Variants in LMBRD1 observed in about 807,000 individuals in gnomAD.
The protein encoded by LMBRD1 is LMBR1 domain containing 1.
LMBRD1 carries 64 observed loss-of-function variants against 74.8 expected under a neutral mutation model. The observed-to-expected ratio is 0.86, with a 90% confidence interval of 0.70 to 1.05. The LOEUF (loss-of-function observed/expected upper bound fraction) is 1.05, where lower values mean the gene tolerates loss of function less well. Among genes scored for constraint, LMBRD1 ranks in the 50% least tolerant of loss-of-function variants. The pLI, the probability that LMBRD1 is intolerant of heterozygous loss-of-function variation, is 0.00. For synonymous variants in LMBRD1, 204 were observed against 216.3 expected (o/e 0.94, Z 0.50); for missense variants, 652 against 645.9 (o/e 1.01, Z -0.10).
intron 13 of LMBRD1, among the ~76,000 whole-genome samples, chr6:69,697,893 A>AT (rs1219694938): frequency 6.6e-6 from 1 of 152,076 alleles, no homozygotes; most frequent in African/African-American, 2.4e-5. Flanking sequence ...AACAAATTCC[A>AT]TTTTTAATAC....
intron 14 of LMBRD1, among the ~76,000 whole-genome samples, chr6:69,684,007 T>C (rs1765714360): frequency 6.6e-6 from 1 of 151,960 alleles, no homozygotes; most frequent in Non-Finnish European, 1.5e-5. Flanking sequence ...TTGGCATAAA[T>C]GTGAATGGAT....
At chr6:69,762,830 G>A (rs941673392) in intron 3 of LMBRD1, among the ~76,000 whole-genome samples, 2 of 152,116 alleles carry the variant, frequency 1.3e-5, no homozygotes, top group Non-Finnish European at 2.9e-5. Flanking sequence ...CTACAAGCAA[G>A]GAAAAGGGTC....
At chr6:69,792,612 T>A (rs1335117083) in intron 1 of LMBRD1, among the ~76,000 whole-genome samples, 1 of 152,196 alleles carries the variant, frequency 6.6e-6, no homozygotes, top group Non-Finnish European at 1.5e-5. Flanking sequence ...TTTTGGGAAA[T>A]TTATTTTTCA....
At chr6:69,783,749 T>G (rs533630573) in intron 2 of LMBRD1, among the ~76,000 whole-genome samples, 2 of 152,248 alleles carry the variant, frequency 1.3e-5, no homozygotes, top group East Asian at 3.9e-4. Flanking sequence ...TTTTACTTCT[T>G]ATATGTTATA....
At position 69,718,976 on chromosome 6, in the gene LMBRD1, T is replaced by A. The variant is rs1189575538; in HGVS notation, c.742A>T (p.Ile248Phe). The A allele has an allele frequency of 6.2e-7, 1 of 1,613,412 alleles. No individual in the cohort carries two copies. The highest frequency in any genetic ancestry group is 8.5e-7 in the Non-Finnish European group (1 of 1,179,654). Reference protein sequence around the residue: ...TEDIEEVEQHIQTIKSKSKDG... With the variant: ...TEDIEEVEQHFQTIKSKSKDG... Reference sequence around the variant, plus strand: ...CTCACTTTTGATTTAATCGTTTGAATGTGTTGTTCTACTTCTTCAATGTCT... The same window carrying A: ...CTCACTTTTGATTTAATCGTTTGAAAGTGTTGTTCTACTTCTTCAATGTCT... The change falls in exon 8 of 16, where the codon ATT becomes TTT. Residue 248 changes from isoleucine to phenylalanine, a missense_variant. By Grantham distance (21) the Ile-to-Phe change is conservative (BLOSUM62 0). Around this residue, in one of 3 missense-constraint regions of LMBRD1, gnomAD observed 598 missense variants for 581.8 expected, o/e 1.03. Coordinates refer to ENST00000649934, the MANE Select transcript of LMBRD1 (RefSeq NM_018368.4).
intron 9 of LMBRD1, among the ~76,000 whole-genome samples, chr6:69,711,965 T>C (rs1206797546): frequency 6.6e-6 from 1 of 152,148 alleles, no homozygotes; most frequent in Non-Finnish European, 1.5e-5. Context: ...TTAGTTATTC[T>C]ACCCGATCCT....
intron 6 of LMBRD1, among the ~76,000 whole-genome samples, chr6:69,738,795 C>G (rs891676949): frequency 1.3e-5 from 2 of 151,928 alleles, no homozygotes; most frequent in African/African-American, 4.8e-5. Context: ...TAATACAGGT[C>G]CTATTAGGCC....
intron 3 of LMBRD1, among the ~76,000 whole-genome samples, chr6:69,766,015 T>C (rs1765467674): frequency 6.6e-6 from 1 of 151,960 alleles, no homozygotes; most frequent in Admixed American, 6.6e-5. Context: ...ATTTTCTACC[T>C]ATAGAATCTT....
At chr6:69,738,988 C>T (rs912615537) in intron 6 of LMBRD1, among the ~76,000 whole-genome samples, 6 of 152,066 alleles carry the variant, frequency 3.9e-5, no homozygotes, top group Non-Finnish European at 5.9e-5. Context: ...TTCACAATCA[C>T]GCAAGGCAAA....
chr6:69,777,357 G>C (rs905832323), intron 3 of LMBRD1, among the ~76,000 whole-genome samples: 1 of 150,844 alleles, frequency 6.6e-6, no homozygotes, highest in Non-Finnish European at 1.5e-5. Context: ...GGAGGGTGAG[G>C]CAGGAGAACT....
intron 14 of LMBRD1, among the ~76,000 whole-genome samples, chr6:69,688,436 T>A (rs1765811701): frequency 6.6e-6 from 1 of 151,294 alleles, no homozygotes; most frequent in African/African-American, 2.4e-5. Context: ...CCATTGTTAG[T>A]GACAATGTAA....
At chr6:69,765,254 T>G (rs1765455362) in intron 3 of LMBRD1, among the ~76,000 whole-genome samples, 1 of 152,080 alleles carries the variant, frequency 6.6e-6, no homozygotes, top group Non-Finnish European at 1.5e-5. Context: ...CTAAAAGTAT[T>G]ATACTTTTAC....
intron 3 of LMBRD1, among the ~76,000 whole-genome samples, chr6:69,770,825 G>GA (rs1304930780): frequency 1.3e-5 from 2 of 151,676 alleles, no homozygotes; most frequent in South Asian, 2.1e-4. Context: ...AGGCTGTAAA[G>GA]AAAAAAAATA....
intron 3 of LMBRD1, among the ~76,000 whole-genome samples, chr6:69,769,291 C>T (rs1381229435): frequency 6.6e-6 from 1 of 152,066 alleles, no homozygotes; most frequent in Non-Finnish European, 1.5e-5. Context: ...GTAAGACCCT[C>T]TAGTAAATTT....
intron 3 of LMBRD1, among the ~76,000 whole-genome samples, chr6:69,769,470 C>T (rs1008313261): frequency 6.6e-6 from 1 of 152,136 alleles, no homozygotes; most frequent in African/African-American, 2.4e-5. Context: ...TCTTTGTCTG[C>T]TAAATCTAAC....
chr6:69,687,821 T>C (rs1244526163), intron 14 of LMBRD1, among the ~76,000 whole-genome samples: 1 of 152,136 alleles, frequency 6.6e-6, no homozygotes, highest in African/African-American at 2.4e-5. Context: ...CACTACCAAA[T>C]TTTCAGACCA....
chr6:69,756,486 A>C (rs1163107608), intron 3 of LMBRD1, among the ~76,000 whole-genome samples: 1 of 152,236 alleles, frequency 6.6e-6, no homozygotes, highest in Non-Finnish European at 1.5e-5. Context: ...TTAAACTGGC[A>C]ATACCAAGTG....
At chr6:69,769,239 T>C (rs1205053085) in intron 3 of LMBRD1, among the ~76,000 whole-genome samples, 1 of 152,188 alleles carries the variant, frequency 6.6e-6, no homozygotes, top group Non-Finnish European at 1.5e-5. Context: ...TCATCTACCT[T>C]TGAAATTCAC....
At chr6:69,793,731 T>C (rs2149899275) in intron 1 of LMBRD1, among the ~76,000 whole-genome samples, 1 of 149,478 alleles carries the variant, frequency 6.7e-6, no homozygotes, top group East Asian at 2.0e-4. Context: ...TTTTTTTTTT[T>C]TTTTTTTTTT....
Sources: gnomAD v4.1 joint callset for allele counts (sites outside exome capture counted in the v4.1 genomes callset) on GRCh38, gnomAD v4.1.1 for gene constraint, gnomAD v4.1.1 regional missense constraint, MANE v1.5 for transcripts, NCBI Gene and HGNC (gene_info 2026-07-23, HGNC 2026-07-21) for gene names.